The following NYAP2 variants were observed in gnomAD, a reference collection of about 807,000 sequenced individuals.
NYAP2 encodes the protein neuronal tyrosine-phosphorylated phosphoinositide-3-kinase adapter 2.
Under a neutral mutation model 50.4 loss-of-function variants are expected in NYAP2, and 23 were observed. The observed-to-expected ratio is 0.46, with a 90% CI of 0.33 to 0.65. The LOEUF (loss-of-function observed/expected upper bound fraction) is 0.65. Ranked by LOEUF, NYAP2 falls within the 30% of genes least tolerant of loss-of-function variation. The pLI, the probability that NYAP2 is intolerant of heterozygous loss-of-function variation, is 0.02. For synonymous variants in NYAP2, 394 were observed against 365.2 expected (o/e 1.08, Z -0.90); for missense variants, 885 against 861.0 (o/e 1.03, Z -0.35).
chr2:225,470,262 C>G (rs995670915), intron 3 of NYAP2, among the ~76,000 whole-genome samples: 2 of 152,048 alleles, frequency 1.3e-5, no homozygotes, highest in Non-Finnish European at 2.9e-5. Context: ...GAAACAATAC[C>G]ATGGAAAAAT....
chr2:225,527,631 C>A (rs1026936230), intron 4 of NYAP2, among the ~76,000 whole-genome samples: 7 of 152,228 alleles, frequency 4.6e-5, no homozygotes, highest in African/African-American at 1.7e-4. Context: ...CACAGGCCCA[C>A]CCAGAACAAT....
intron 4 of NYAP2, among the ~76,000 whole-genome samples, chr2:225,530,430 G>T (rs973692836): frequency 6.6e-6 from 1 of 152,120 alleles, no homozygotes; most frequent in African/African-American, 2.4e-5. Flanking sequence ...TCTCAATGTT[G>T]TCCTTTTATC....
At chr2:225,678,273 T>C in the NYAP2 span, among the ~76,000 whole-genome samples, 1 of 152,154 alleles carries the variant, frequency 6.6e-6, no homozygotes, top group African/African-American at 2.4e-5. Flanking sequence ...ATGTTTGTCA[T>C]TTCTGATTGC....
intron 6 of NYAP2, among the ~76,000 whole-genome samples, chr2:225,633,602 T>G (rs1032525413): frequency 3.3e-5 from 5 of 152,204 alleles, no homozygotes; most frequent in African/African-American, 1.2e-4. Context: ...GTTAGAAGCA[T>G]TGCTAAGGAG....
chr2:225,600,102 T>C (rs1692669603), intron 5 of NYAP2, among the ~76,000 whole-genome samples: 1 of 152,108 alleles, frequency 6.6e-6, no homozygotes, highest in Non-Finnish European at 1.5e-5. Flanking sequence ...TCTCCAAGCA[T>C]TCAGGGATAG....
the NYAP2 span, among the ~76,000 whole-genome samples, chr2:225,673,494 A>G: frequency 1.3e-5 from 2 of 152,188 alleles, no homozygotes; most frequent in African/African-American, 2.4e-5. Context: ...GAAGCACAAT[A>G]AAGCAAAGCA....
intron 3 of NYAP2, among the ~76,000 whole-genome samples, chr2:225,487,896 C>G (rs1265824683): frequency 1.3e-5 from 2 of 152,254 alleles, no homozygotes; most frequent in East Asian, 1.9e-4. Flanking sequence ...TAACCAAATC[C>G]TCTATTCGCT....
At chr2:225,457,549 A>G (rs997317661) in intron 3 of NYAP2, among the ~76,000 whole-genome samples, 10 of 152,380 alleles carry the variant, frequency 6.6e-5, no homozygotes, top group African/African-American at 2.2e-4. Context: ...CCTGAATGAA[A>G]TTAAACCTAA....
the NYAP2 span, among the ~76,000 whole-genome samples, chr2:225,682,896 A>G: frequency 4.4e-3 from 675 of 152,254 alleles, 9 homozygotes; most frequent in African/African-American, 0.015. Context: ...ATTACAGATG[A>G]AGTTATGTAG....
At chr2:225,489,694 G>A in intron 3 of NYAP2, among the ~76,000 whole-genome samples, 1 of 152,192 alleles carries the variant, frequency 6.6e-6, no homozygotes, top group Non-Finnish European at 1.5e-5. Flanking sequence ...ATGTGGATGT[G>A]TAAGCCAGCA....
intron 3 of NYAP2, among the ~76,000 whole-genome samples, chr2:225,462,736 G>A (rs1689853206): frequency 6.6e-6 from 1 of 152,090 alleles, no homozygotes; most frequent in Non-Finnish European, 1.5e-5. Context: ...GTAATACTGA[G>A]TTCTAGTCAG....
intron 3 of NYAP2, among the ~76,000 whole-genome samples, chr2:225,437,205 C>T (rs914772106): frequency 6.6e-5 from 10 of 152,146 alleles, no homozygotes; most frequent in Middle Eastern, 3.4e-3. Flanking sequence ...GACTGGAGCA[C>T]GGGCACATCA....
At chr2:225,697,071 A>C in the NYAP2 span, among the ~76,000 whole-genome samples, 1 of 151,926 alleles carries the variant, frequency 6.6e-6, no homozygotes, top group African/African-American at 2.4e-5. Context: ...AGATTTGTTT[A>C]AACAATTATG....
the NYAP2 span, among the ~76,000 whole-genome samples, chr2:225,698,061 C>T: frequency 3.3e-5 from 5 of 151,578 alleles, no homozygotes. Context: ...GCTTGTAGTC[C>T]CAACTACTGG....
intron 3 of NYAP2, among the ~76,000 whole-genome samples, chr2:225,507,332 C>T (rs1211219444): frequency 6.6e-6 from 1 of 152,188 alleles, no homozygotes; most frequent in African/African-American, 2.4e-5. Context: ...GCTCACCTTT[C>T]TCATGGGTTT....
rs1001744261 is a variant in NYAP2 at position 225,590,880 on chromosome 2, C to T, written c.1618+7845C>T. Among the ~76,000 whole-genome samples the T allele has an allele frequency of 2.6e-5, 4 of 152,344 alleles. No individual in the cohort carries two copies. The East Asian group carries it at 7.7e-4, about 29-fold the overall frequency. Reference sequence around the variant, plus strand: ...ATGGTGGGCGATCTGTGAATCGCATCTATCCTTGTCTTAGCATCTCCATCT... The same window carrying T: ...ATGGTGGGCGATCTGTGAATCGCATTTATCCTTGTCTTAGCATCTCCATCT... On this transcript the variant is annotated intron_variant, in intron 5 of 6. Coordinates refer to ENST00000636099, the Ensembl canonical transcript of NYAP2.
chr2:225,531,820 C>T (rs1691258293), intron 4 of NYAP2, among the ~76,000 whole-genome samples: 1 of 152,186 alleles, frequency 6.6e-6, no homozygotes, highest in South Asian at 2.1e-4. Flanking sequence ...GATGAGATTG[C>T]TTTGCTGGCT....
At chr2:225,482,599 C>A (rs1262457582) in intron 3 of NYAP2, among the ~76,000 whole-genome samples, 2 of 152,172 alleles carry the variant, frequency 1.3e-5, no homozygotes, top group African/African-American at 4.8e-5. Flanking sequence ...TTACCCCTTT[C>A]TCATTCTCTC....
chr2:225,587,828 C>CAAA (rs5839115), intron 5 of NYAP2, among the ~76,000 whole-genome samples: 1 of 146,180 alleles, frequency 6.8e-6, no homozygotes, highest in Admixed American at 6.8e-5. Context: ...CTTGGCATTA[C>CAAA]AAAAAAAAAA....
Sources: allele counts gnomAD v4.1 joint callset (sites outside exome capture counted in the v4.1 genomes callset), GRCh38; gene constraint gnomAD v4.1.1; transcripts MANE v1.5; gene names NCBI Gene and HGNC (gene_info 2026-07-23, HGNC 2026-07-21).